Variants in CCSER1 observed in about 807,000 individuals in gnomAD.
CCSER1 encodes the protein coiled-coil serine rich protein 1.
CCSER1 carries 41 observed loss-of-function variants against 82.0 expected under a neutral mutation model. The ratio of observed to expected loss-of-function variants is 0.50; its 90% CI spans 0.39 to 0.65. CCSER1 has a LOEUF of 0.65. Among genes scored for constraint, CCSER1 ranks in the 30% least tolerant of loss-of-function variants. CCSER1 has a pLI of 0.00. For synonymous variants in CCSER1, 414 were observed against 383.9 expected, an observed-to-expected ratio of 1.08 and a Z score of -0.92; for missense variants, 1,119 against 1,064.2, an observed-to-expected ratio of 1.05 and a Z score of -0.72.
chr4:91,313,771 C>A (rs1177870743), intron 10 of CCSER1, among the ~76,000 whole-genome samples: 1 of 151,918 alleles, frequency 6.6e-6, no homozygotes, highest in Non-Finnish European at 1.5e-5. Flanking sequence ...CCAGTCCAAG[C>A]CCCCTGACCT....
At chr4:91,166,921 G>T (rs1007184270) in intron 10 of CCSER1, among the ~76,000 whole-genome samples, 22 of 152,002 alleles carry the variant, frequency 1.4e-4, no homozygotes, top group Non-Finnish European at 2.4e-4. Flanking sequence ...ACAAAGATAA[G>T]CTAAAATGTT....
At chr4:90,915,982 G>C (rs184918640) in intron 8 of CCSER1, among the ~76,000 whole-genome samples, 1 of 152,128 alleles carries the variant, frequency 6.6e-6, no homozygotes, top group South Asian at 2.1e-4. Flanking sequence ...TCTTCAAGGA[G>C]AACTTCAAAC....
rs1318348437 is a variant in CCSER1 at position 91,604,206 on chromosome 4, T to C, written c.*5149T>C. 1.3e-5 allele frequency: 2 copies of C among 152,098 alleles called. No individual in the cohort carries two copies. Among genetic ancestry groups the C allele is most frequent in the South Asian group, 4.1e-4 (2 of 4,830 alleles). The allele number at this position is 152,098 out of a possible 1,614,324, so 9.4% of individuals were successfully genotyped here. ...AAATTGGATTTAATAACCCTTGAAC[T>C]TTCCATTTATATCATGCTTATCTCC... On this transcript the variant is annotated 3_prime_UTR_variant, in exon 11 of 11. Coordinates refer to ENST00000509176, the MANE Select transcript of CCSER1 (RefSeq NM_001145065.2).
intron 4 of CCSER1, among the ~76,000 whole-genome samples, chr4:90,432,263 A>T (rs1334314047): frequency 6.6e-6 from 1 of 152,108 alleles, no homozygotes; most frequent in Admixed American, 6.6e-5. Flanking sequence ...TTGTCAAAAA[A>T]ATTTGCTATT....
intron 7 of CCSER1, among the ~76,000 whole-genome samples, chr4:90,787,010 A>G (rs1347295892): frequency 6.6e-6 from 1 of 152,222 alleles, no homozygotes; most frequent in East Asian, 1.9e-4. Context: ...ATTATAAAGA[A>G]TATTCCAAAG....
At chr4:90,139,770 T>C (rs1457715289) in intron 1 of CCSER1, among the ~76,000 whole-genome samples, 4 of 152,038 alleles carry the variant, frequency 2.6e-5, no homozygotes, top group African/African-American at 9.7e-5. Flanking sequence ...CTGGACAACA[T>C]GATGAACTCT....
chr4:91,517,701 T>A (rs76679880), intron 10 of CCSER1, among the ~76,000 whole-genome samples: 5,324 of 152,100 alleles, frequency 0.035, 194 homozygotes, highest in South Asian at 0.16. Context: ...TACTCTGCCA[T>A]TTGAGTTACC....
At chr4:90,660,177 G>A (rs1017670710) in intron 6 of CCSER1, among the ~76,000 whole-genome samples, 5 of 151,914 alleles carry the variant, frequency 3.3e-5, no homozygotes, top group African/African-American at 1.2e-4. Context: ...ATTTCACACT[G>A]GGTATCTACC....
At chr4:91,000,219 G>GTATA (rs960834781) in intron 9 of CCSER1, among the ~76,000 whole-genome samples, 4 of 127,668 alleles carry the variant, frequency 3.1e-5, no homozygotes, top group Admixed American at 7.8e-5. Flanking sequence ...GTATAGTATA[G>GTATA]GTATAGTATA....
chr4:90,867,061 T>C (rs893402989), intron 8 of CCSER1, among the ~76,000 whole-genome samples: 1 of 151,896 alleles, frequency 6.6e-6, no homozygotes, highest in African/African-American at 2.4e-5. Flanking sequence ...ATCTAGGGCG[T>C]TTAATTAGCT....
At chr4:90,253,089 T>C (rs1018919977) in intron 1 of CCSER1, among the ~76,000 whole-genome samples, 3 of 152,068 alleles carry the variant, frequency 2.0e-5, no homozygotes, top group Admixed American at 6.6e-5. Flanking sequence ...TTTTGTTTGG[T>C]GTCATTTTTT....
intron 5 of CCSER1, among the ~76,000 whole-genome samples, chr4:90,621,658 C>A (rs1722347026): frequency 6.6e-6 from 1 of 152,032 alleles, no homozygotes; most frequent in African/African-American, 2.4e-5. Flanking sequence ...TCTTTGCATG[C>A]CTACTTATTG....
At chr4:90,727,362 A>G (rs1282010714) in intron 7 of CCSER1, 8 of 451,862 alleles carry the variant, frequency 1.8e-5, no homozygotes, top group African/African-American at 1.6e-4. Flanking sequence ...ATTAAAGTGA[A>G]ACATTGCTCT....
intron 9 of CCSER1, among the ~76,000 whole-genome samples, chr4:90,977,274 G>C (rs779470246): frequency 6.6e-6 from 1 of 151,444 alleles, no homozygotes; most frequent in Non-Finnish European, 1.5e-5. Flanking sequence ...CCTACCTCCA[G>C]CCTTCTTAAG....
At chr4:91,476,456 A>G (rs1168389695) in intron 10 of CCSER1, among the ~76,000 whole-genome samples, 1 of 151,690 alleles carries the variant, frequency 6.6e-6, no homozygotes, top group Non-Finnish European at 1.5e-5. Flanking sequence ...TATTGTTAAG[A>G]TGTCCATACC....
At chr4:91,116,884 A>T (rs927629671) in intron 10 of CCSER1, among the ~76,000 whole-genome samples, 2 of 152,192 alleles carry the variant, frequency 1.3e-5, no homozygotes, top group Non-Finnish European at 2.9e-5. Context: ...GGGTTTAAAA[A>T]TTACTTAAAT....
At chr4:91,051,657 A>T (rs937068450) in intron 9 of CCSER1, among the ~76,000 whole-genome samples, 3 of 152,156 alleles carry the variant, frequency 2.0e-5, no homozygotes, top group Non-Finnish European at 4.4e-5. Context: ...CTAGGATAAA[A>T]TGCACCCTAG....
intron 3 of CCSER1, among the ~76,000 whole-genome samples, chr4:90,373,278 G>A (rs750764892): frequency 3.3e-5 from 5 of 152,032 alleles, no homozygotes; most frequent in Admixed American, 2.0e-4. Flanking sequence ...ATATTTGGGC[G>A]TAAAGACCCA....
At chr4:91,351,442 A>G (rs1270898541) in intron 10 of CCSER1, among the ~76,000 whole-genome samples, 1 of 152,044 alleles carries the variant, frequency 6.6e-6, no homozygotes, top group Non-Finnish European at 1.5e-5. Context: ...TATGGAGATG[A>G]ATACAGATTT....
Sources: gnomAD v4.1 joint callset for allele counts (sites outside exome capture counted in the v4.1 genomes callset) on GRCh38, gnomAD v4.1.1 for gene constraint, MANE v1.5 for transcripts, NCBI Gene and HGNC (gene_info 2026-07-23, HGNC 2026-07-21) for gene names.